The following PLA2G10 variants were observed in gnomAD, a reference collection of about 807,000 sequenced individuals.
PLA2G10 encodes the protein phospholipase A2 group X.
Under a neutral mutation model 7.9 loss-of-function variants are expected in PLA2G10, and 9 were observed. The observed-to-expected ratio is 1.14, with a 90% CI of 0.68 to 1.98. PLA2G10 has a LOEUF of 1.98. Among genes scored for constraint, PLA2G10 ranks in the 30% most tolerant of loss-of-function variants. The pLI, the probability that PLA2G10 is intolerant of heterozygous loss-of-function variation, is 0.00. For synonymous variants in PLA2G10, 19 were observed against 27.5 expected (o/e 0.69, Z 0.97); for missense variants, 53 against 65.4 (o/e 0.81, Z 0.66).
intron 3 of PLA2G10, among the ~76,000 whole-genome samples, chr16:14,676,949 A>G (rs1960740729): frequency 6.6e-6 from 1 of 152,150 alleles, no homozygotes; most frequent in Non-Finnish European, 1.5e-5. Flanking sequence ...ACAGAGTGGT[A>G]TAACGGACAC....
chr16:14,680,101 C>CTT (rs34700124), intron 3 of PLA2G10, among the ~76,000 whole-genome samples: 2,260 of 139,592 alleles, frequency 0.016, 26 homozygotes, highest in Middle Eastern at 0.026. Context: ...TTTTGCTTTT[C>CTT]TTTTTTTTTT....
At chr16:14,684,658 T>G (rs1961001206) in intron 3 of PLA2G10, among the ~76,000 whole-genome samples, 1 of 152,140 alleles carries the variant, frequency 6.6e-6, no homozygotes, top group Non-Finnish European at 1.5e-5. Flanking sequence ...AAAGTGAGAC[T>G]TTGTCTCAAA....
chr16:14,677,060 C>T (rs573003958), intron 3 of PLA2G10, among the ~76,000 whole-genome samples: 2 of 152,120 alleles, frequency 1.3e-5, no homozygotes, highest in African/African-American at 2.4e-5. Context: ...CACCACTATA[C>T]AATTCATCCA....
intron 3 of PLA2G10, among the ~76,000 whole-genome samples, chr16:14,681,094 G>A (rs1240083756): frequency 1.3e-5 from 2 of 151,984 alleles, no homozygotes; most frequent in Non-Finnish European, 2.9e-5. Flanking sequence ...AACCGGGGAG[G>A]TGGAGGTTGC....
chr16:14,686,894 T>G (rs1419657618), intron 3 of PLA2G10, among the ~76,000 whole-genome samples: 1 of 151,612 alleles, frequency 6.6e-6, no homozygotes, highest in South Asian at 2.1e-4. Context: ...TCACTTGAGG[T>G]CAGGAGTACA....
At chr16:14,684,566 T>C (rs1960996949) in intron 3 of PLA2G10, among the ~76,000 whole-genome samples, 1 of 151,956 alleles carries the variant, frequency 6.6e-6, no homozygotes, top group Non-Finnish European at 1.5e-5. Flanking sequence ...CTCAGGAGGC[T>C]GAGGCAGGAG....
At chr16:14,676,839 G>A (rs148484033) in intron 3 of PLA2G10, among the ~76,000 whole-genome samples, 42 of 152,274 alleles carry the variant, frequency 2.8e-4, no homozygotes, top group African/African-American at 8.4e-4. Context: ...AGGAAGTTAC[G>A]TCACTTATTC....
chr16:14,682,213 C>A (rs1433556545), intron 3 of PLA2G10, among the ~76,000 whole-genome samples: 1 of 152,126 alleles, frequency 6.6e-6, no homozygotes, highest in Non-Finnish European at 1.5e-5. Flanking sequence ...TTGATTATAT[C>A]ATCATATTAA....
chr16:14,675,363 A>G (rs766315148), intron 3 of PLA2G10, among the ~76,000 whole-genome samples: 2 of 152,138 alleles, frequency 1.3e-5, no homozygotes, highest in African/African-American at 2.4e-5. Context: ...CTGAAACCAT[A>G]AGAATTCTAG....
chr16:14,686,450 CTTAT>C (rs1200194009), intron 3 of PLA2G10, among the ~76,000 whole-genome samples: 1 of 152,096 alleles, frequency 6.6e-6, no homozygotes, highest in Admixed American at 6.6e-5. Flanking sequence ...TTTTAGCTTT[CTTAT>C]TTATTTGAAG....
intron 3 of PLA2G10, among the ~76,000 whole-genome samples, chr16:14,679,579 G>A (rs1960827202): frequency 6.7e-6 from 1 of 150,226 alleles, no homozygotes. Context: ...AGAATCACTT[G>A]AACTCGGGAG....
intron 3 of PLA2G10, among the ~76,000 whole-genome samples, chr16:14,679,552 A>G (rs991876948): frequency 4.6e-5 from 7 of 151,516 alleles, no homozygotes; most frequent in African/African-American, 1.5e-4. Context: ...CCCAGCTACT[A>G]GGGAGGCTGA....
chr16:14,678,594 A>T (rs1389937816), intron 3 of PLA2G10: 2 of 260,894 alleles, frequency 7.7e-6, no homozygotes, highest in Non-Finnish European at 1.6e-5. Context: ...ACATGGTGAA[A>T]CTCCATCTCT....
At chr16:14,684,058 C>G (rs187356175) in intron 3 of PLA2G10, among the ~76,000 whole-genome samples, 1 of 152,080 alleles carries the variant, frequency 6.6e-6, no homozygotes, top group Non-Finnish European at 1.5e-5. Flanking sequence ...GGCAACTTAT[C>G]TCTACAAAAA....
intron 3 of PLA2G10, among the ~76,000 whole-genome samples, chr16:14,685,526 G>A (rs1450397507): frequency 2.0e-5 from 3 of 152,114 alleles, no homozygotes; most frequent in African/African-American, 7.2e-5. Flanking sequence ...TTTACCAGGT[G>A]TTGGTGGTAG....
rs1166594325 is a variant in PLA2G10 at position 14,675,171 on chromosome 16, CAAAA to C, written c.356-2426_356-2423del. Among the ~76,000 whole-genome samples, 13 of 66,954 alleles carry C rather than the reference CAAAA, an allele frequency of 1.9e-4. No individual in the cohort carries two copies. In the East Asian group the frequency reaches 5.5e-3, roughly 28 times the overall value. The allele number at this position is 66,954 out of a possible 152,430, so 43.9% of individuals were successfully genotyped here. On this transcript the variant is annotated intron_variant, in intron 3 of 3. Transcript: ENST00000438167. ...GGGCAACAAGAGTGAAACTCCATCT[CAAAA>C]AAAAAAAAAAAACACTCAAAAACAT...
chr16:14,681,881 A>G (rs1032286550), intron 3 of PLA2G10, among the ~76,000 whole-genome samples: 3 of 151,678 alleles, frequency 2.0e-5, no homozygotes, highest in Non-Finnish European at 4.4e-5. Context: ...TGAAGGGAGA[A>G]AGGAAAGATT....
At chr16:14,684,588 C>A (rs1023580889) in intron 3 of PLA2G10, among the ~76,000 whole-genome samples, 2 of 151,876 alleles carry the variant, frequency 1.3e-5, no homozygotes, top group Non-Finnish European at 2.9e-5. Context: ...ATCGCTAAAA[C>A]CTGGGAGGCA....
At chr16:14,677,422 A>G (rs970851107) in intron 3 of PLA2G10, among the ~76,000 whole-genome samples, 12 of 152,132 alleles carry the variant, frequency 7.9e-5, no homozygotes, top group African/African-American at 2.9e-4. Flanking sequence ...GCTGGAGTGC[A>G]GTGGCACGAT....
Sources: allele counts gnomAD v4.1 joint callset (sites outside exome capture counted in the v4.1 genomes callset), GRCh38; gene constraint gnomAD v4.1.1; transcripts MANE v1.5; gene names NCBI Gene and HGNC (gene_info 2026-07-23, HGNC 2026-07-21).